The following NR3C1 variants were observed in gnomAD, a reference collection of about 807,000 sequenced individuals.
NR3C1 encodes glucocorticoid receptor.
A neutral mutation model predicts 74.0 loss-of-function variants in NR3C1; 14 were observed. The ratio of observed to expected loss-of-function variants is 0.19; its 90% CI spans 0.12 to 0.30. The LOEUF (loss-of-function observed/expected upper bound fraction) is 0.30, where lower values mean the gene tolerates loss of function less well. Among genes scored for constraint, NR3C1 ranks in the 10% least tolerant of loss-of-function variants. NR3C1 has a pLI of 1.00. For synonymous variants in NR3C1, 308 were observed against 332.5 expected (o/e 0.93, Z 0.80); for missense variants, 695 against 909.8 (o/e 0.76, Z 3.04).
At chr5:143,340,389 A>G (rs1255162367) in intron 2 of NR3C1, among the ~76,000 whole-genome samples, 1 of 151,956 alleles carries the variant, frequency 6.6e-6, no homozygotes, top group East Asian at 1.9e-4. Flanking sequence ...GCTGACTCTA[A>G]AATTTATAGG....
chr5:143,350,385 A>T (rs1830023140), intron 2 of NR3C1, among the ~76,000 whole-genome samples: 1 of 152,128 alleles, frequency 6.6e-6, no homozygotes, highest in Admixed American at 6.6e-5. Flanking sequence ...AGGCCTAATG[A>T]CTGAAATTAT....
chr5:143,311,003 TG>T (rs1456721727), intron 3 of NR3C1, among the ~76,000 whole-genome samples: 4 of 152,236 alleles, frequency 2.6e-5, no homozygotes, highest in African/African-American at 9.6e-5. Flanking sequence ...GATGGTTAAC[TG>T]TATCAGGTTC....
intron 2 of NR3C1, among the ~76,000 whole-genome samples, chr5:143,322,606 GA>G (rs1159467760): frequency 2.0e-5 from 3 of 152,106 alleles, no homozygotes. Context: ...CAAACTAACA[GA>G]TATCTCATAT....
At chr5:143,353,138 T>C (rs1403089322) in intron 2 of NR3C1, among the ~76,000 whole-genome samples, 1 of 152,232 alleles carries the variant, frequency 6.6e-6, no homozygotes, top group Non-Finnish European at 1.5e-5. Flanking sequence ...CATTTGTCCA[T>C]AAGAAGCAAC....
In NR3C1 at chr5:143,292,512, C is replaced by G. The variant is rs528862306; in HGVS notation, c.2023+2948G>C. Among the ~76,000 whole-genome samples the G allele has an allele frequency of 1.5e-3, 227 of 152,270 alleles. 1 individual carries two copies. Among genetic ancestry groups the G allele is most frequent in the Non-Finnish European group, 2.9e-3 (194 of 68,024 alleles). ...CAGGGCAGGCCTTTTGTTGTGAACA[C>G]TCTGCTACGTATTTCCAAATTTTAC... On this transcript the variant is annotated intron_variant, in intron 7 of 8. Coordinates refer to ENST00000394464, the MANE Select transcript of NR3C1 (RefSeq NM_000176.3).
chr5:143,403,075 T>TG, intron 1 of NR3C1, 136 bp downstream of exon 1: 2 of 890,760 alleles, frequency 2.2e-6, no homozygotes, highest in Non-Finnish European at 2.7e-6. Context: ...GCCCGGCCCT[T>TG]GCCAGCCCCC....
chr5:143,367,699 G>C (rs1600311923), intron 2 of NR3C1, among the ~76,000 whole-genome samples: 1 of 152,098 alleles, frequency 6.6e-6, no homozygotes, highest in Admixed American at 6.5e-5. Flanking sequence ...CGAAGTACAA[G>C]ACTTTTATAT....
Position 143,403,312 on chromosome 5 carries a change from AT to A in NR3C1, c.-116del, listed in dbSNP as rs568039009. The A allele has an allele frequency of 1.4e-3, 1,312 of 950,718 alleles. 4 individuals are homozygous for A. The African/African-American group carries it at 0.016, about 12-fold the overall frequency. The allele number at this position is 950,718 out of a possible 1,614,324, so 58.9% of individuals were successfully genotyped here. A position where few individuals can be genotyped will look rare whatever the true frequency, so the allele number is the denominator to read the frequency against. On this transcript the variant is annotated 5_prime_UTR_variant, in exon 1 of 9. The change creates a premature stop within an existing upstream ORF in the 5' untranslated region. Coordinates refer to ENST00000394464, the MANE Select transcript of NR3C1 (RefSeq NM_000176.3). Reference sequence around the variant, plus strand: ...CGCAGAAGGAGCAGGAGGGAAATATATTTTTTTTTTCTAAAAAAAGGAAGTA... The same window carrying A: ...CGCAGAAGGAGCAGGAGGGAAATATATTTTTTTTTCTAAAAAAAGGAAGTA...
At position 143,300,113 on chromosome 5, in the gene NR3C1, T is replaced by C. The variant is rs10482678; in HGVS notation, c.1747+372A>G. On this transcript the variant is annotated intron_variant, in intron 5 of 8. Transcript: ENST00000394464. This position sits in a 1 kb window ranked among gnomAD's most constrained non-coding sequence, Gnocchi z 5.2. ...AATCAACATACTTGATGTTTACCAA[T>C]CTTACAAACAACCTGATTTTTAAAA... is the stretch of plus-strand genomic sequence containing the variant. Among the ~76,000 whole-genome samples, 55 of 152,334 alleles carry C rather than the reference T, an allele frequency of 3.6e-4. No homozygotes were observed. Among genetic ancestry groups the C allele is most frequent in the African/African-American group, 1.2e-3 (51 of 41,576 alleles).
chr5:143,399,988 G>A lies in NR3C1; in HGVS notation c.852C>T (p.Ile284=), dbSNP rs1364105957. 15 of 1,614,032 alleles carry A rather than the reference G, an allele frequency of 9.3e-6. No homozygotes were observed. The highest frequency in any genetic ancestry group is 1.2e-5 in the Non-Finnish European group (14 of 1,180,042). The change falls in exon 2 of 9, where the codon ATC becomes ATT. Residue 284 remains isoleucine (I), a synonymous_variant. Coordinates refer to ENST00000394464, the MANE Select transcript of NR3C1 (RefSeq NM_000176.3). ...TAATTACCCCAGGGGTGCAGAGTTCGATGAAATCTTCTTTTTCTGTTTTCA... is the reference window on the plus strand; with the variant it reads ...TAATTACCCCAGGGGTGCAGAGTTCAATGAAATCTTCTTTTTCTGTTTTCA... ...PQVKTEKEDF[I]ELCTPGVIKQ... is the part of the protein sequence containing the mutation.
At position 143,403,356 on chromosome 5, in the gene NR3C1, C is replaced by T; in HGVS notation, c.-159G>A. On this transcript the variant is annotated 5_prime_UTR_variant, in exon 1 of 9. Transcript: ENST00000394464. ...AGGAAGTAAACAGCCGCCCCTTTCT[C>T]CATGGGTGGGGGGAGAGCCCCTATT... 2.0e-6 allele frequency: 2 copies of T among 985,458 alleles called. No homozygotes were observed. Among genetic ancestry groups the T allele is most frequent in the Non-Finnish European group, 2.4e-6 (2 of 829,964 alleles). The allele number at this position is 985,458 out of a possible 1,614,324, so 61.0% of individuals were successfully genotyped here. A position where few individuals can be genotyped will look rare whatever the true frequency, so the allele number is the denominator to read the frequency against.
At chr5:143,326,566 G>A (rs1824647353) in intron 2 of NR3C1, among the ~76,000 whole-genome samples, 1 of 152,102 alleles carries the variant, frequency 6.6e-6, no homozygotes, top group Non-Finnish European at 1.5e-5. Context: ...GGAGTGTTTT[G>A]TATATTCATA....
chr5:143,288,577 AC>A (rs951211591), intron 7 of NR3C1, among the ~76,000 whole-genome samples: 2 of 141,978 alleles, frequency 1.4e-5, no homozygotes, highest in African/African-American at 5.3e-5. Flanking sequence ...TGCAGCCTTG[AC>A]CTCCCTCCTC....
chr5:143,407,837 CT>C (rs1215024106), upstream of NR3C1, among the ~76,000 whole-genome samples: 1 of 152,158 alleles, frequency 6.6e-6, no homozygotes, highest in Non-Finnish European at 1.5e-5. Flanking sequence ...TCAGGCTGTG[CT>C]CCTTCTCAAG....
chr5:143,390,011 A>G, intron 2 of NR3C1: 1 of 723,998 alleles, frequency 1.4e-6, no homozygotes, highest in Non-Finnish European at 1.7e-6. Flanking sequence ...TAAAGTTCTT[A>G]AGCAGGCTGT....
intron 1 of NR3C1, among the ~76,000 whole-genome samples, chr5:143,412,714 G>A (rs576119237): frequency 6.6e-6 from 1 of 152,226 alleles, no homozygotes; most frequent in Non-Finnish European, 1.5e-5. Flanking sequence ...CATTTTTCAA[G>A]AGAAGTTATT....
At position 143,300,718 on chromosome 5, in the gene NR3C1, G is replaced by A; in HGVS notation, c.1514C>T (p.Thr505Ile). Residue 505 changes from threonine to isoleucine, a missense_variant, in exon 5 of 9, where the codon ACA becomes ATA. Around this residue, in one of 4 missense-constraint regions of NR3C1, gnomAD observed 42 missense variants for 49.3 expected, o/e 0.85. Transcript: ENST00000394464. This position sits in a 1 kb window ranked among gnomAD's most constrained non-coding sequence, Gnocchi z 5.2. The stretch of plus-strand genomic sequence containing the variant: ...TTCAGAGGTTTCTTGTGAGACTCCT[G>A]TAGTGGCCTGCTGAATTCCTTTTAT... The part of the protein sequence containing the change: ...KKIKGIQQAT[T>I]GVSQETSENP... The A allele has an allele frequency of 6.2e-7, 1 of 1,614,114 alleles. No individual in the cohort carries two copies. The highest frequency in any genetic ancestry group is 8.5e-7 in the Non-Finnish European group (1 of 1,179,992).
At chr5:143,406,419 AAAAAC>A (rs775321657), upstream of NR3C1, among the ~76,000 whole-genome samples, 56 of 152,212 alleles carry the variant, frequency 3.7e-4, no homozygotes, top group Admixed American at 1.0e-3. Context: ...AAAAAAAAAA[AAAAAC>A]TTATCCTAAT....
chr5:143,431,387 A>G (rs1751812233), intron 1 of NR3C1, among the ~76,000 whole-genome samples: 1 of 152,146 alleles, frequency 6.6e-6, no homozygotes, highest in African/African-American at 2.4e-5. Flanking sequence ...TGGCACTACA[A>G]TTCCAATAAG....
Sources: allele counts gnomAD v4.1 joint callset (sites outside exome capture counted in the v4.1 genomes callset), GRCh38; gene constraint gnomAD v4.1.1; regional missense constraint gnomAD v4.1.1; non-coding constraint Gnocchi (gnomAD v3.1); transcripts MANE v1.5; gene names NCBI Gene and HGNC (gene_info 2026-07-23, HGNC 2026-07-21).